Variants in AK9 observed in about 807,000 individuals in gnomAD.
The protein encoded by AK9 is adenylate kinase domain containing 1.
AK9 carries 191 observed loss-of-function variants against 239.6 expected under a neutral mutation model. The ratio of observed to expected loss-of-function variants is 0.80; its 90% confidence interval spans 0.71 to 0.90. AK9 has a LOEUF of 0.90. Among genes scored for constraint, AK9 ranks in the 40% least tolerant of loss-of-function variants. The pLI is 0.00. For synonymous variants in AK9, 689 were observed against 721.0 expected (o/e 0.96, Z 0.71); for missense variants, 1,995 against 2,214.7 (o/e 0.90, Z 1.99).
chr6:109,549,870 C>T lies in AK9; in HGVS notation c.2964+220G>A, dbSNP rs957420234. 1.6e-4 allele frequency: 59 copies of T among 374,638 alleles called. 1 individual carries two copies. The South Asian group carries it at 1.8e-3, about 12-fold the overall frequency. The allele number at this position is 374,638 out of a possible 1,614,324, so 23.2% of individuals were successfully genotyped here. On this transcript the variant is annotated intron_variant, in intron 25 of 40. Coordinates refer to ENST00000424296, the MANE Select transcript of AK9 (RefSeq NM_001145128.3). Reference sequence around the variant, plus strand: ...TAGTAGAGACGGGGTTTCACCGTGTCAGCCAGGATGGTCTCGATCTCCTGA... The same window carrying T: ...TAGTAGAGACGGGGTTTCACCGTGTTAGCCAGGATGGTCTCGATCTCCTGA...
rs1358625880 is a variant in AK9, at chr6:109,586,053, T to C, written c.1862A>G (p.Asp621Gly). Residue 621 changes from aspartate (D) to glycine (G), a missense_variant, in exon 18 of 41, where the codon GAT becomes GGT. Transcript: ENST00000424296. ...ATATTTTGGGGCACCAGGAAACCTA[T>C]CCTTGTTTTCTTCCATTACCTGTGA... ...VLGEVMEENKDRFPGAPKYGG... is the reference protein window; with the variant it reads ...VLGEVMEENKGRFPGAPKYGG... The C allele has an allele frequency of 7.1e-6, 11 of 1,550,902 alleles. No homozygotes were observed. Among genetic ancestry groups the C allele is most frequent in the Non-Finnish European group, 9.6e-6 (11 of 1,146,764 alleles).
rs531530815 is a variant in AK9, at chr6:109,533,036, T to C, written c.3570+215A>G. On this transcript the variant is annotated intron_variant, in intron 28 of 40. Transcript: ENST00000424296. ...TCTTGGCAGTACCACTACCTTTCAT[T>C]TGCCATAAAGAGAGAAGCATTAACA... is the stretch of plus-strand genomic sequence containing the variant. 8.5e-5 allele frequency among the ~76,000 whole-genome samples: 13 copies of C among 152,258 alleles called. No individual in the cohort carries two copies. The South Asian group carries it at 1.9e-3, about 22-fold the overall frequency.
intron 6 of AK9, among the ~76,000 whole-genome samples, chr6:109,660,240 T>C (rs1296897748): frequency 6.6e-6 from 1 of 152,162 alleles, no homozygotes; most frequent in Non-Finnish European, 1.5e-5. Flanking sequence ...TTGTAAATTG[T>C]GCTCTGAATG....
chr6:109,656,662 A>T, intron 8 of AK9, 94 bp downstream of exon 8: 2 of 1,353,016 alleles, frequency 1.5e-6, no homozygotes, highest in Non-Finnish European at 1.0e-6. Flanking sequence ...CAGACAGATA[A>T]TAACACATGG....
intron 1 of AK9, among the ~76,000 whole-genome samples, chr6:109,683,641 C>T (rs559285541): frequency 2.1e-4 from 32 of 152,270 alleles, no homozygotes; most frequent in Admixed American, 1.8e-3. Context: ...AGTGAACTCC[C>T]ATTCACAATT....
In AK9 at chr6:109,622,043, AAT is replaced by A. The variant is rs1028131177; in HGVS notation, c.1255-2809_1255-2808del. On this transcript the variant is annotated intron_variant, in intron 12 of 40. Transcript: ENST00000424296. Reference sequence around the variant, plus strand: ...ATAGTTGCAAAAATGTATATATCAAAATATAGATAATACATGTGTATTATATA... The same window carrying A: ...ATAGTTGCAAAAATGTATATATCAAAATAGATAATACATGTGTATTATATA... Among the ~76,000 whole-genome samples the A allele has an allele frequency of 3.4e-5, 5 of 147,660 alleles. No homozygotes were observed. In the South Asian group the frequency reaches 1.0e-3, roughly 31 times the overall value.
chr6:109,668,364 G>T (rs1422308717), intron 5 of AK9, among the ~76,000 whole-genome samples: 1 of 151,764 alleles, frequency 6.6e-6, no homozygotes. Flanking sequence ...TCACTCTGAT[G>T]GTAGTTTCTT....
chr6:109,519,663 G>A (rs1779631248), intron 29 of AK9, among the ~76,000 whole-genome samples: 2 of 151,376 alleles, frequency 1.3e-5, no homozygotes, highest in Non-Finnish European at 2.9e-5. Flanking sequence ...AGCTAACTGT[G>A]TTTCTATCTG....
intron 21 of AK9, among the ~76,000 whole-genome samples, chr6:109,568,393 A>G (rs1020298348): frequency 9.9e-5 from 15 of 151,994 alleles, no homozygotes; most frequent in East Asian, 3.9e-4. Flanking sequence ...CTCTCTCACC[A>G]CTCCTATTCA....
At chr6:109,662,255 G>GA (rs1481489744) in intron 6 of AK9, among the ~76,000 whole-genome samples, 1 of 152,170 alleles carries the variant, frequency 6.6e-6, no homozygotes, top group Non-Finnish European at 1.5e-5. Flanking sequence ...GGGAGTGACA[G>GA]AAAGAGAGGT....
chr6:109,626,005 G>A (rs2128258768), intron 12 of AK9, among the ~76,000 whole-genome samples: 1 of 151,930 alleles, frequency 6.6e-6, no homozygotes, highest in Admixed American at 6.6e-5. Context: ...ACAGGTCCCT[G>A]AAGCTCTGTT....
At chr6:109,596,271 G>A (rs1005213546) in intron 17 of AK9, among the ~76,000 whole-genome samples, 1 of 152,172 alleles carries the variant, frequency 6.6e-6, no homozygotes, top group Non-Finnish European at 1.5e-5. Flanking sequence ...GCCTAACTGG[G>A]CTGACCCACC....
intron 29 of AK9, among the ~76,000 whole-genome samples, chr6:109,521,692 C>T (rs1779879270): frequency 6.6e-6 from 1 of 152,064 alleles, no homozygotes; most frequent in Non-Finnish European, 1.5e-5. Flanking sequence ...CCCTTATTCA[C>T]TACAGCTGGA....
At chr6:109,674,506 T>C (rs1190206977) in intron 2 of AK9, among the ~76,000 whole-genome samples, 1 of 152,190 alleles carries the variant, frequency 6.6e-6, no homozygotes, top group Non-Finnish European at 1.5e-5. Flanking sequence ...AGCCCTAAAA[T>C]CAAGAAGCTA....
chr6:109,579,431 G>A, intron 20 of AK9, 119 bp downstream of exon 20: 1 of 903,864 alleles, frequency 1.1e-6, no homozygotes, highest in East Asian at 2.8e-5. Flanking sequence ...GCATAAACCT[G>A]GGCTCTCATG....
chr6:109,624,617 G>A (rs1795294289), intron 12 of AK9, among the ~76,000 whole-genome samples: 1 of 152,142 alleles, frequency 6.6e-6, no homozygotes, highest in Admixed American at 6.5e-5. Context: ...GAGTCTTCTA[G>A]GCTCATTTTA....
rs1583448553 is a variant in AK9, at chr6:109,654,343, T to TA, written c.759+2412_759+2413insT. Among the ~76,000 whole-genome samples the TA allele has an allele frequency of 2.7e-5, 4 of 150,372 alleles. No homozygotes were observed. In the East Asian group the frequency reaches 5.9e-4, roughly 22 times the overall value. On this transcript the variant is annotated intron_variant, in intron 8 of 40. Coordinates refer to ENST00000424296, the MANE Select transcript of AK9 (RefSeq NM_001145128.3). ...ATTGTTTTATATATAATATATATAT[T>TA]TTTTTTCTTTTTTGAGACGGAGTCT...
At chr6:109,593,265 G>A (rs898107303) in intron 17 of AK9, among the ~76,000 whole-genome samples, 1 of 151,808 alleles carries the variant, frequency 6.6e-6, no homozygotes, top group African/African-American at 2.4e-5. Flanking sequence ...CTTTGTGTAG[G>A]TTTTCAACAT....
At chr6:109,518,533 T>A (rs1779495794) in intron 29 of AK9, among the ~76,000 whole-genome samples, 1 of 151,950 alleles carries the variant, frequency 6.6e-6, no homozygotes, top group African/African-American at 2.4e-5. Flanking sequence ...TCATTTTTAT[T>A]ATAAAGAAAT....
Sources: gnomAD v4.1 joint callset for allele counts (sites outside exome capture counted in the v4.1 genomes callset) on GRCh38, gnomAD v4.1.1 for gene constraint, MANE v1.5 for transcripts, NCBI Gene and HGNC (gene_info 2026-07-23, HGNC 2026-07-21) for gene names.